GATAD2B: variants seen among roughly 807,000 people sequenced by gnomAD.
GATAD2B encodes transcriptional repressor p66-beta.
Under a neutral mutation model 64.3 loss-of-function variants are expected in GATAD2B, and 8 were observed. The ratio of observed to expected loss-of-function variants is 0.12; its 90% CI spans 0.07 to 0.22. The LOEUF (loss-of-function observed/expected upper bound fraction) is 0.22. GATAD2B is among the 10% of genes least tolerant of loss of function. GATAD2B has a pLI of 1.00. For synonymous variants in GATAD2B, 281 were observed against 271.3 expected (o/e 1.04, Z -0.35); for missense variants, 453 against 752.0 (o/e 0.60, Z 4.65).
intron 1 of GATAD2B, among the ~76,000 whole-genome samples, chr1:153,913,129 C>T (rs765206382): frequency 7.9e-5 from 12 of 151,806 alleles, no homozygotes; most frequent in African/African-American, 1.7e-4. Context: ...GGTTTCACCA[C>T]GCTGGCCAGG....
In GATAD2B at chr1:153,816,555, T is replaced by C. The variant is rs184247437; in HGVS notation, c.934A>G (p.Thr312Ala). Reference sequence around the variant, plus strand: ...AGGTTCATATAGATGGCAGAGGATGTTGTACGCTGACATGGAACAGAAGAA... The same window carrying C: ...AGGTTCATATAGATGGCAGAGGATGCTGTACGCTGACATGGAACAGAAGAA... ...SSSSVPCQRT[T>A]SSAIYMNLAS... Residue 312 changes from threonine to alanine, a missense_variant, in exon 7 of 11, where the codon ACA becomes GCA. Transcript: ENST00000368655. The surrounding 1 kb of genome is among the most constrained non-coding windows in gnomAD (Gnocchi z 4.9). 357 of 1,613,362 alleles carry C rather than the reference T, an allele frequency of 2.2e-4. 1 individual carries two copies. The highest frequency in any genetic ancestry group is 2.0e-5 in the Non-Finnish European group (23 of 1,179,320).
intron 2 of GATAD2B, among the ~76,000 whole-genome samples, chr1:153,826,849 G>A (rs939449441): frequency 8.6e-5 from 13 of 151,654 alleles, no homozygotes; most frequent in East Asian, 5.8e-4. Flanking sequence ...GCTAGGGCGC[G>A]AAGATAACTT....
At position 153,828,195 on chromosome 1, in the gene GATAD2B, C is replaced by T. The variant is rs201785182; in HGVS notation, c.153G>A (p.Arg51=). The change falls in exon 2 of 11, where the codon AGG becomes AGA. Residue 51 remains arginine, a synonymous_variant. Coordinates refer to ENST00000368655, the MANE Select transcript of GATAD2B (RefSeq NM_020699.4). ...GCACCTCAAGATTTGCCAAATCCTTCCTTTTGAGCAATGCCAACATTTTCA... is the reference window on the plus strand; with the variant it reads ...GCACCTCAAGATTTGCCAAATCCTTTCTTTTGAGCAATGCCAACATTTTCA... ...ERLKMLALLK[R]KDLANLEVPH... is the part of the protein sequence containing the mutation. 44 of 1,614,234 alleles carry T rather than the reference C, an allele frequency of 2.7e-5. No individual in the cohort carries two copies. The African/African-American group carries it at 5.5e-4, about 20-fold the overall frequency.
At chr1:153,870,559 C>T (rs1413764030) in intron 1 of GATAD2B, among the ~76,000 whole-genome samples, 2 of 152,088 alleles carry the variant, frequency 1.3e-5, no homozygotes, top group East Asian at 1.9e-4. Context: ...GGTGACAGAG[C>T]CAGACTCCGT....
At chr1:153,888,783 G>A (rs562403858) in intron 1 of GATAD2B, among the ~76,000 whole-genome samples, 5 of 152,158 alleles carry the variant, frequency 3.3e-5, no homozygotes, top group Middle Eastern at 3.4e-3. Flanking sequence ...CCTCTCTAGC[G>A]TTCCAAGAGT....
At chr1:153,905,554 A>G (rs1204937933) in intron 1 of GATAD2B, among the ~76,000 whole-genome samples, 7 of 126,426 alleles carry the variant, frequency 5.5e-5, no homozygotes, top group African/African-American at 1.2e-4. Context: ...ACAATTTTGG[A>G]AAAAAAAAAA....
rs1194324523 is a variant in GATAD2B, at chr1:153,811,516, A to C, written c.1648+215T>G. On this transcript the variant is annotated intron_variant, in intron 10 of 10. Transcript: ENST00000368655. Reference sequence around the variant, plus strand: ...TAAAAGTTAAATTGATAATGGTAGGATCTGGGTCATTTTCACCACCAAAAC... The same window carrying C: ...TAAAAGTTAAATTGATAATGGTAGGCTCTGGGTCATTTTCACCACCAAAAC... 2 of 624,552 alleles carry C rather than the reference A, an allele frequency of 3.2e-6. 1 individual carries two copies. Among genetic ancestry groups the C allele is most frequent in the South Asian group, 4.0e-5 (2 of 50,372 alleles). 38.7% of individuals were successfully genotyped at this position (624,552 alleles called of 1,614,324 possible). A position where few individuals can be genotyped will look rare whatever the true frequency, so the allele number is the denominator to read the frequency against.
At chr1:153,911,146 A>C (rs1399511791) in intron 1 of GATAD2B, among the ~76,000 whole-genome samples, 1 of 152,202 alleles carries the variant, frequency 6.6e-6, no homozygotes, top group Non-Finnish European at 1.5e-5. Context: ...AGTTTAACCA[A>C]AGGAGAAAAG....
In GATAD2B at chr1:153,816,059, A is replaced by AACACACACACACAC. The variant is rs71093286; in HGVS notation, c.1216+200_1216+213dup. The stretch of plus-strand genomic sequence containing the variant: ...CAGAGCGAGACTGCATCTCAAACAA[A>AACACACACACACAC]ACACACACACACACACACACACACA... On this transcript the variant is annotated intron_variant, in intron 7 of 10. Transcript: ENST00000368655. This position sits in a 1 kb window ranked among gnomAD's most constrained non-coding sequence, Gnocchi z 4.9. Among the ~76,000 whole-genome samples, 2,340 of 141,830 alleles carry AACACACACACACAC rather than the reference A, an allele frequency of 0.016. 35 individuals are homozygous for AACACACACACACAC. Among genetic ancestry groups the AACACACACACACAC allele is most frequent in the South Asian group, 0.03 (130 of 4,294 alleles). 93.0% of individuals were successfully genotyped at this position (141,830 alleles called of 152,430 possible).
intron 1 of GATAD2B, among the ~76,000 whole-genome samples, chr1:153,864,444 T>C (rs532698087): frequency 6.6e-6 from 1 of 152,218 alleles, no homozygotes; most frequent in Admixed American, 6.6e-5. Flanking sequence ...TAGGGAGACC[T>C]TGTCTCTACA....
Position 153,922,923 on chromosome 1 carries a change from GGCGGCGGCGACGGCT to G in GATAD2B, c.-207_-193del, listed in dbSNP as rs1349246433. The G allele has an allele frequency of 6.4e-6, 1 of 155,994 alleles. No individual in the cohort carries two copies. Among genetic ancestry groups the G allele is most frequent in the Non-Finnish European group, 1.4e-5 (1 of 70,476 alleles). 9.7% of individuals were successfully genotyped at this position (155,994 alleles called of 1,614,324 possible). On this transcript the variant is annotated 5_prime_UTR_variant, in exon 1 of 11. Coordinates refer to ENST00000368655, the MANE Select transcript of GATAD2B (RefSeq NM_020699.4). Reference sequence around the variant, plus strand: ...ACACTGCGGTACAGACGGGGGCAGCGGCGGCGGCGACGGCTGCACCGGCGGCGGCGGCACCACACA... The same window carrying G: ...ACACTGCGGTACAGACGGGGGCAGCGGCACCGGCGGCGGCGGCACCACACA...
At chr1:153,888,728 T>A (rs966538584) in intron 1 of GATAD2B, among the ~76,000 whole-genome samples, 5 of 152,176 alleles carry the variant, frequency 3.3e-5, no homozygotes, top group Admixed American at 1.3e-4. Flanking sequence ...GAGTTCTACT[T>A]TTTGGCCTGG....
Position 153,828,492 on chromosome 1 carries a change from A to AC in GATAD2B, c.-1-145_-1-144insG, listed in dbSNP as rs1033962413. The AC allele has an allele frequency of 1.5e-5, 9 of 616,872 alleles. No homozygotes were observed. In the East Asian group the frequency reaches 1.6e-4, roughly 11 times the overall value. 38.2% of individuals were successfully genotyped at this position (616,872 alleles called of 1,614,324 possible). A position where few individuals can be genotyped will look rare whatever the true frequency, so the allele number is the denominator to read the frequency against. ...CACACACACACACACACACACACAC[A>AC]AAGTTCAAAGTTAACTAAGCTATGT... On this transcript the variant is annotated intron_variant, in intron 1 of 10. Transcript: ENST00000368655.
At chr1:153,833,361 A>C (rs1675144576) in intron 1 of GATAD2B, among the ~76,000 whole-genome samples, 1 of 152,348 alleles carries the variant, frequency 6.6e-6, no homozygotes, top group East Asian at 1.9e-4. Flanking sequence ...TGCTCAGAAA[A>C]AAGATCCCTT....
At chr1:153,820,317 T>C (rs952467964) in intron 2 of GATAD2B, among the ~76,000 whole-genome samples, 1 of 152,138 alleles carries the variant, frequency 6.6e-6, no homozygotes, top group Non-Finnish European at 1.5e-5. Flanking sequence ...TAGAAATTAC[T>C]TTGAAATCTA....
At chr1:153,826,236 C>T (rs1570936106) in intron 2 of GATAD2B, among the ~76,000 whole-genome samples, 1 of 152,172 alleles carries the variant, frequency 6.6e-6, no homozygotes, top group South Asian at 2.1e-4. Context: ...ATCTCCTGAC[C>T]TCGTGATCCA....
intron 1 of GATAD2B, among the ~76,000 whole-genome samples, chr1:153,847,571 T>TTAC (rs1216682175): frequency 6.6e-6 from 1 of 152,156 alleles, no homozygotes; most frequent in African/African-American, 2.4e-5. Context: ...TTCACAGTAA[T>TTAC]CTATTTGGCT....
At chr1:153,896,738 G>A (rs1677606034) in intron 1 of GATAD2B, among the ~76,000 whole-genome samples, 1 of 151,596 alleles carries the variant, frequency 6.6e-6, no homozygotes, top group Non-Finnish European at 1.5e-5. Flanking sequence ...GCCCAACCAT[G>A]AACAAGAAAA....
At chr1:153,838,604 G>A (rs1164026594) in intron 1 of GATAD2B, among the ~76,000 whole-genome samples, 2 of 152,006 alleles carry the variant, frequency 1.3e-5, no homozygotes, top group East Asian at 1.9e-4. Flanking sequence ...GGGTTCAAGC[G>A]ACTCTCATGC....
Sources: allele counts gnomAD v4.1 joint callset (sites outside exome capture counted in the v4.1 genomes callset), GRCh38; gene constraint gnomAD v4.1.1; non-coding constraint Gnocchi (gnomAD v3.1); transcripts MANE v1.5; gene names NCBI Gene and HGNC (gene_info 2026-07-23, HGNC 2026-07-21).